NELL1: variants seen among roughly 807,000 people sequenced by gnomAD.
NELL1 encodes the protein protein kinase C-binding protein NELL1.
Under a neutral mutation model 107.4 loss-of-function variants are expected in NELL1, and 76 were observed. The observed-to-expected ratio is 0.71, with a 90% CI of 0.59 to 0.86. The LOEUF is 0.86. Ranked by LOEUF, NELL1 falls within the 40% of genes least tolerant of loss-of-function variation. NELL1 has a pLI of 0.00. For synonymous variants in NELL1, 353 were observed against 341.2 expected, an observed-to-expected ratio of 1.03 and a Z score of -0.38; for missense variants, 1,024 against 1,005.5, an observed-to-expected ratio of 1.02 and a Z score of -0.25.
chr11:21,328,033 G>A (rs1850184534), intron 14 of NELL1, among the ~76,000 whole-genome samples: 1 of 152,160 alleles, frequency 6.6e-6, no homozygotes, highest in Non-Finnish European at 1.5e-5. Context: ...TATTTTCTGT[G>A]GAGAAATTCA....
chr11:20,717,192 A>G (rs1181350489), intron 2 of NELL1, among the ~76,000 whole-genome samples: 1 of 152,226 alleles, frequency 6.6e-6, no homozygotes, highest in African/African-American at 2.4e-5. Flanking sequence ...TCATTAGTCC[A>G]ATCCTATGCC....
intron 12 of NELL1, among the ~76,000 whole-genome samples, chr11:21,106,297 A>G (rs1245431490): frequency 6.6e-6 from 1 of 151,996 alleles, no homozygotes; most frequent in African/African-American, 2.4e-5. Flanking sequence ...GCATGTTTCT[A>G]TGCCTCTATT....
At chr11:21,509,251 A>C (rs1855375270) in intron 15 of NELL1, among the ~76,000 whole-genome samples, 1 of 152,314 alleles carries the variant, frequency 6.6e-6, no homozygotes, top group African/African-American at 2.4e-5. Flanking sequence ...GCAACAGAAA[A>C]AAATGTATAC....
intron 14 of NELL1, among the ~76,000 whole-genome samples, chr11:21,254,336 C>T (rs1433813043): frequency 1.3e-5 from 2 of 151,956 alleles, no homozygotes; most frequent in Non-Finnish European, 2.9e-5. Flanking sequence ...AAGCCATTTC[C>T]TCTCTACCAA....
chr11:21,230,971 T>G (rs970469853), intron 14 of NELL1, among the ~76,000 whole-genome samples: 1 of 152,172 alleles, frequency 6.6e-6, no homozygotes, highest in Non-Finnish European at 1.5e-5. Flanking sequence ...CTGTTTATAT[T>G]CACTGAAAAC....
At chr11:20,719,483 C>T (rs1855327977) in intron 2 of NELL1, among the ~76,000 whole-genome samples, 1 of 152,024 alleles carries the variant, frequency 6.6e-6, no homozygotes. Context: ...ATGGAGGATA[C>T]ACAATAGTTA....
chr11:21,284,295 C>A (rs1286614034), intron 14 of NELL1: 2 of 457,282 alleles, frequency 4.4e-6, no homozygotes, highest in Non-Finnish European at 8.8e-6. Context: ...TGGGAAAACA[C>A]AGAGGGTGAG....
intron 2 of NELL1, among the ~76,000 whole-genome samples, chr11:20,740,007 G>C (rs1186470875): frequency 6.6e-6 from 1 of 152,202 alleles, no homozygotes; most frequent in Non-Finnish European, 1.5e-5. Flanking sequence ...ACTGCCATTT[G>C]CCACATACTA....
At chr11:21,439,703 A>G (rs748437931) in intron 15 of NELL1, among the ~76,000 whole-genome samples, 1 of 152,142 alleles carries the variant, frequency 6.6e-6, no homozygotes, top group African/African-American at 2.4e-5. Flanking sequence ...GCTTCACGCC[A>G]TGTTTCAAGT....
At chr11:20,993,907 A>G (rs1019644180) in intron 12 of NELL1, among the ~76,000 whole-genome samples, 8 of 150,554 alleles carry the variant, frequency 5.3e-5, no homozygotes, top group African/African-American at 2.0e-4. Flanking sequence ...AAAAAAAAAA[A>G]AAAATCAGTA....
chr11:20,835,936 T>G (rs1254889268), intron 3 of NELL1, among the ~76,000 whole-genome samples: 5 of 152,166 alleles, frequency 3.3e-5, no homozygotes, highest in African/African-American at 1.2e-4. Context: ...GTTAGATTTT[T>G]ATTAAACCTT....
intron 12 of NELL1, among the ~76,000 whole-genome samples, chr11:21,046,632 T>G (rs1449757517): frequency 6.6e-6 from 1 of 152,112 alleles, no homozygotes; most frequent in Admixed American, 6.6e-5. Context: ...CTATAATTAT[T>G]CTTGGCCTGC....
At chr11:20,921,037 A>G (rs76029617) in intron 7 of NELL1, among the ~76,000 whole-genome samples, 6,464 of 152,228 alleles carry the variant, frequency 0.042, 198 homozygotes, top group East Asian at 0.1. Context: ...TAGAATAAGC[A>G]TTGGCAAACT....
Position 21,152,286 on chromosome 11 carries a change from C to T in NELL1, c.1426+38572C>T, listed in dbSNP as rs146600733. ...TTTAATCTATTTCCTGATCCCAATT[C>T]TCTCCTCGCCACCTTCATGTCTGCC... On this transcript the variant is annotated intron_variant, in intron 13 of 19. Coordinates refer to ENST00000357134, the MANE Select transcript of NELL1 (RefSeq NM_006157.5). Among the ~76,000 whole-genome samples the T allele has an allele frequency of 9.8e-3, 1,491 of 152,274 alleles. 25 individuals are homozygous for T. The highest frequency in any genetic ancestry group is 9.1e-3 in the South Asian group (44 of 4,830).
At chr11:20,938,249 G>A (rs1039885181) in intron 10 of NELL1, among the ~76,000 whole-genome samples, 2 of 152,142 alleles carry the variant, frequency 1.3e-5, no homozygotes, top group South Asian at 2.1e-4. Context: ...TGTTAAAAAT[G>A]CCTCTTCCTC....
chr11:21,303,973 C>G (rs919762511), intron 14 of NELL1, among the ~76,000 whole-genome samples: 4 of 151,888 alleles, frequency 2.6e-5, no homozygotes, highest in African/African-American at 9.7e-5. Flanking sequence ...AACCTTGAGC[C>G]CTTTTATAAG....
intron 15 of NELL1, among the ~76,000 whole-genome samples, chr11:21,394,943 G>A (rs1162805324): frequency 6.6e-6 from 1 of 151,430 alleles, no homozygotes; most frequent in Non-Finnish European, 1.5e-5. Flanking sequence ...AGGTTAATAG[G>A]CTACCAATTG....
chr11:21,067,826 A>G (rs928700267), intron 12 of NELL1, among the ~76,000 whole-genome samples: 6 of 152,038 alleles, frequency 3.9e-5, no homozygotes, highest in Non-Finnish European at 7.4e-5. Context: ...TGAGGTCAGG[A>G]GTTCAAGACC....
intron 2 of NELL1, among the ~76,000 whole-genome samples, chr11:20,684,921 G>C (rs936155179): frequency 6.6e-6 from 1 of 152,026 alleles, no homozygotes. Flanking sequence ...TCTGGCCCTC[G>C]TGTATGCTGG....
Sources: gnomAD v4.1 joint callset for allele counts (sites outside exome capture counted in the v4.1 genomes callset) on GRCh38, gnomAD v4.1.1 for gene constraint, MANE v1.5 for transcripts, NCBI Gene and HGNC (gene_info 2026-07-23, HGNC 2026-07-21) for gene names.